Variants in SPAST observed in about 807,000 individuals in gnomAD.
SPAST encodes the protein spastic paraplegia 4 (autosomal dominant; spastin).
In SPAST, 30 loss-of-function variants were observed where a neutral mutation model predicts 76.6. The observed-to-expected ratio is 0.39, with a 90% CI of 0.29 to 0.53. SPAST has a LOEUF of 0.53. SPAST is among the 20% of genes least tolerant of loss of function. SPAST has a pLI of 0.68. For synonymous variants in SPAST, 305 were observed against 281.0 expected, an observed-to-expected ratio of 1.09 and a Z score of -0.86; for missense variants, 717 against 770.5, an observed-to-expected ratio of 0.93 and a Z score of 0.82.
chr2:32,077,231 A>G (rs770603679), intron 1 of SPAST, among the ~76,000 whole-genome samples: 30 of 152,306 alleles, frequency 2.0e-4, no homozygotes, highest in Non-Finnish European at 1.5e-5. Context: ...GCAAGTTGCC[A>G]TCAGAAAATT....
chr2:32,089,663 C>CT, intron 3 of SPAST, 58 bp downstream of exon 3: 1 of 923,060 alleles, frequency 1.1e-6, no homozygotes, highest in Admixed American at 1.7e-5. Flanking sequence ...TTCAATGAAA[C>CT]TTTAATTTGT....
chr2:32,116,215 A>G lies in SPAST; in HGVS notation c.1098+3A>G, dbSNP rs778025364. 6.3e-7 allele frequency: 1 copy of G among 1,598,044 alleles called. No individual in the cohort carries two copies. The highest frequency in any genetic ancestry group is 2.2e-5 in the East Asian group (1 of 44,666). On this transcript the variant is annotated splice_donor_region_variant and intron_variant, in intron 7 of 16. Transcript: ENST00000315285. ...TTCTTCCTTCTCTGAGGCCTGAGGT[A>G]AGAACTTTATATTATCATTTTTCTA...
chr2:32,084,256 G>A (rs1677380182), intron 1 of SPAST, among the ~76,000 whole-genome samples: 1 of 151,414 alleles, frequency 6.6e-6, no homozygotes, highest in Non-Finnish European at 1.5e-5. Flanking sequence ...TGCTTCCTGG[G>A]TTCACGCCAT....
At chr2:32,074,687 A>G (rs1676881891) in intron 1 of SPAST, among the ~76,000 whole-genome samples, 1 of 151,880 alleles carries the variant, frequency 6.6e-6, no homozygotes, top group South Asian at 2.1e-4. Flanking sequence ...TTGTATTTTT[A>G]GTAGAGACGG....
In SPAST at chr2:32,155,939, CT is replaced by C. The variant is rs1337491234; in HGVS notation, c.*1444del. On this transcript the variant is annotated 3_prime_UTR_variant, in exon 17 of 17. Transcript: ENST00000315285. The stretch of plus-strand genomic sequence containing the variant: ...ATACATTAAAATAAAAAACTTGCCC[CT>C]ACTAGGTAAGAACTTTATAATGAAG... The C allele has an allele frequency of 1.3e-5, 2 of 152,356 alleles. No homozygotes were observed. Among genetic ancestry groups the C allele is most frequent in the African/African-American group, 4.8e-5 (2 of 41,386 alleles). The allele number at this position is 152,356 out of a possible 1,614,324, so 9.4% of individuals were successfully genotyped here.
At chr2:32,066,482 A>G (rs1200099289) in intron 1 of SPAST, among the ~76,000 whole-genome samples, 2 of 151,966 alleles carry the variant, frequency 1.3e-5, no homozygotes, top group Admixed American at 1.3e-4. Flanking sequence ...ATCCTGGCCA[A>G]CATGGTGAAA....
chr2:32,068,436 C>T (rs574082216), intron 1 of SPAST, among the ~76,000 whole-genome samples: 1 of 152,016 alleles, frequency 6.6e-6, no homozygotes, highest in South Asian at 2.1e-4. Context: ...ATTCTCCTGC[C>T]TCAGCCTCCC....
intron 4 of SPAST, among the ~76,000 whole-genome samples, chr2:32,112,413 T>C (rs1218628393): frequency 6.7e-6 from 1 of 149,888 alleles, no homozygotes; most frequent in Non-Finnish European, 1.5e-5. Flanking sequence ...AATGGAGTGA[T>C]CTTGGCTCAC....
chr2:32,114,140 C>T (rs915386211), intron 4 of SPAST, among the ~76,000 whole-genome samples: 2 of 152,256 alleles, frequency 1.3e-5, no homozygotes, highest in East Asian at 3.9e-4. Context: ...CACAATGGCT[C>T]ACTCTTGTAA....
At chr2:32,126,723 G>T in intron 7 of SPAST, 1 of 463,670 alleles carries the variant, frequency 2.2e-6, no homozygotes, top group Non-Finnish European at 3.9e-6. Context: ...TTGGGCTCAT[G>T]TAATCCTCCT....
At chr2:32,093,418 G>A (rs529180887) in intron 3 of SPAST, among the ~76,000 whole-genome samples, 7 of 152,064 alleles carry the variant, frequency 4.6e-5, no homozygotes, top group African/African-American at 1.4e-4. Context: ...GGAGGCAGAG[G>A]TTGCAGTAAG....
chr2:32,150,678 C>T (rs1405266000), intron 16 of SPAST, among the ~76,000 whole-genome samples: 1 of 151,964 alleles, frequency 6.6e-6, no homozygotes, highest in East Asian at 1.9e-4. Flanking sequence ...AGCATTCCTC[C>T]CACTTGCACC....
At chr2:32,148,935 T>C (rs2148764554) in intron 16 of SPAST, among the ~76,000 whole-genome samples, 1 of 149,482 alleles carries the variant, frequency 6.7e-6, no homozygotes, top group Admixed American at 6.7e-5. Context: ...GATTGCCCCA[T>C]TGCACTCTAG....
chr2:32,104,737 C>G (rs181055603), intron 4 of SPAST, among the ~76,000 whole-genome samples: 70 of 152,260 alleles, frequency 4.6e-4, no homozygotes, highest in Non-Finnish European at 9.3e-4. Flanking sequence ...ATATGAAACT[C>G]TGGGTTGAAA....
intron 4 of SPAST, among the ~76,000 whole-genome samples, chr2:32,103,661 G>A (rs1407439862): frequency 6.6e-6 from 1 of 151,996 alleles, no homozygotes; most frequent in East Asian, 1.9e-4. Flanking sequence ...ATTCTGATAT[G>A]TTGTGTCTTT....
intron 16 of SPAST, among the ~76,000 whole-genome samples, chr2:32,149,002 G>T (rs1679987475): frequency 1.3e-5 from 2 of 151,660 alleles, no homozygotes; most frequent in African/African-American, 4.8e-5. Flanking sequence ...TGAAACTTGT[G>T]GGGGTTTATA....
At chr2:32,075,547 C>CTTTTTTTTT (rs773998404) in intron 1 of SPAST, among the ~76,000 whole-genome samples, 21 of 85,492 alleles carry the variant, frequency 2.5e-4, no homozygotes, top group African/African-American at 4.7e-4. Flanking sequence ...TGGCTTTTTT[C>CTTTTTTTTT]TTTTTTTTTT....
chr2:32,145,086 C>A (rs1679844235), intron 15 of SPAST, 79 bp downstream of exon 15: 2 of 1,074,980 alleles, frequency 1.9e-6, no homozygotes, highest in Non-Finnish European at 1.4e-6. Flanking sequence ...AAAAAATCTA[C>A]CAAGAGATTT....
chr2:32,064,810 A>G (rs777319341), intron 1 of SPAST, among the ~76,000 whole-genome samples: 9 of 152,214 alleles, frequency 5.9e-5, no homozygotes, highest in Non-Finnish European at 1.0e-4. Context: ...TACTTTTTCA[A>G]TGAAGTTATA....
Sources: gnomAD v4.1 joint callset for allele counts (sites outside exome capture counted in the v4.1 genomes callset) on GRCh38, gnomAD v4.1.1 for gene constraint, MANE v1.5 for transcripts, NCBI Gene and HGNC (gene_info 2026-07-23, HGNC 2026-07-21) for gene names.